The following KIAA1191 variants were observed in gnomAD, a reference collection of about 807,000 sequenced individuals.
The protein encoded by KIAA1191 is putative monooxygenase p33MONOX.
A neutral mutation model predicts 31.1 loss-of-function variants in KIAA1191; 22 were observed. The observed-to-expected ratio is 0.71, with a 90% CI of 0.51 to 1.01. KIAA1191 has a LOEUF of 1.01. KIAA1191 is among the 50% of genes least tolerant of loss of function. KIAA1191 has a pLI of 0.00. For missense variants in KIAA1191, 319 were observed against 388.0 expected, an observed-to-expected ratio of 0.82 and a Z score of 1.49; for synonymous variants, 130 against 143.9, an observed-to-expected ratio of 0.90 and a Z score of 0.69.
intron 6 of KIAA1191, among the ~76,000 whole-genome samples, chr5:176,350,072 T>C (rs1473820930): frequency 6.6e-6 from 1 of 152,218 alleles, no homozygotes; most frequent in African/African-American, 2.4e-5. Flanking sequence ...TTACAAAATA[T>C]GGAGAAGAGC....
In KIAA1191 at chr5:176,359,478, T is replaced by A; in HGVS notation, c.28+3A>T. On this transcript the variant is annotated splice_donor_region_variant and intron_variant, in intron 3 of 8. Transcript: ENST00000298569. Reference sequence around the variant, plus strand: ...TGATTTTACCAAAAAGAATTAAGTTTACCAGGCACTTCTGGTTGTCTTGAA... The same window carrying A: ...TGATTTTACCAAAAAGAATTAAGTTAACCAGGCACTTCTGGTTGTCTTGAA... 6.2e-7 allele frequency: 1 copy of A among 1,613,716 alleles called. No homozygotes were observed. The highest frequency in any genetic ancestry group is 8.5e-7 in the Non-Finnish European group (1 of 1,179,720).
rs751606711 is a variant in KIAA1191 at position 176,347,653 on chromosome 5, C to T, written c.865G>A (p.Ala289Thr). The T allele has an allele frequency of 1.2e-5, 19 of 1,562,786 alleles. 1 individual carries two copies. The Admixed American group carries it at 2.9e-4, about 24-fold the overall frequency. Residue 289 changes from alanine to threonine, a missense_variant, in exon 9 of 9, where the codon GCC becomes ACC. Coordinates refer to ENST00000298569, the MANE Select transcript of KIAA1191 (RefSeq NM_020444.5). ...AGGTCACGGGGTTTGAGGTTATGGG[C>T]CCGTGGTGGCTGTTTCTTTCCTTCC... ...VMEGKKQPPR[A>T]HNLKPRDLNV...
intron 1 of KIAA1191, among the ~76,000 whole-genome samples, chr5:176,360,980 C>T (rs1032603666): frequency 6.6e-6 from 1 of 151,760 alleles, no homozygotes; most frequent in African/African-American, 2.4e-5. Flanking sequence ...GAAAGTTACT[C>T]TTGTTTTTCA....
chr5:176,347,612 G>A lies in KIAA1191; in HGVS notation c.906C>T (p.Pro302=), dbSNP rs778515194. The change falls in exon 9 of 9, where the codon CCC becomes CCT. Residue 302 remains proline, a synonymous_variant. Transcript: ENST00000298569. ...TGGAAAGAGGGCTCTAGAAGCCAGT[G>A]GGTGTGAGCACATTCAGGTCACGGG... The part of the protein sequence containing the change: ...LKPRDLNVLT[P]TGF 6.6e-7 allele frequency: 1 copy of A among 1,505,078 alleles called. No individual in the cohort carries two copies. Among genetic ancestry groups the A allele is most frequent in the Non-Finnish European group, 8.9e-7 (1 of 1,127,414 alleles). The allele number at this position is 1,505,078 out of a possible 1,614,324, so 93.2% of individuals were successfully genotyped here.
intron 1 of KIAA1191, among the ~76,000 whole-genome samples, 166 bp from the exon 2 acceptor site, chr5:176,360,084 A>G (rs1462125445): frequency 1.3e-5 from 2 of 152,064 alleles, no homozygotes; most frequent in African/African-American, 4.8e-5. Flanking sequence ...TAAACTATTT[A>G]CAGCGTTTAT....
At position 176,355,260 on chromosome 5, in the gene KIAA1191, A is replaced by T. The variant is rs1218721909; in HGVS notation, c.207+311T>A. ...AAGAAAAAAAAAAGGAGGGAGATTT[A>T]AAAAACCATCTATTGGGTACACTGT... On this transcript the variant is annotated intron_variant, in intron 4 of 8. Transcript: ENST00000298569. This position sits in a 1 kb window ranked among gnomAD's most constrained non-coding sequence, Gnocchi z 4.2. 1.3e-5 allele frequency among the ~76,000 whole-genome samples: 2 copies of T among 152,138 alleles called. No homozygotes were observed. Among genetic ancestry groups the T allele is most frequent in the African/African-American group, 4.8e-5 (2 of 41,426 alleles).
In KIAA1191 at chr5:176,352,661, C is replaced by T. The variant is rs992880045; in HGVS notation, c.295G>A (p.Ala99Thr). 10 of 1,613,984 alleles carry T rather than the reference C, an allele frequency of 6.2e-6. No homozygotes were observed. In the East Asian group the frequency reaches 2.2e-4, roughly 36 times the overall value. The change falls in exon 5 of 9, where the codon GCT (alanine) becomes ACT (threonine). Residue 99 changes from alanine (A) to threonine (T), a missense_variant. Coordinates refer to ENST00000298569, the MANE Select transcript of KIAA1191 (RefSeq NM_020444.5). The part of the protein sequence containing the change: ...DSVDKVPVVK[A>T]KATHVIMNSL... ...TTCATGATGACATGGGTAGCTTTAG[C>T]CTTCACCACTGGGACCTTGTCCACA...
intron 3 of KIAA1191, among the ~76,000 whole-genome samples, chr5:176,359,125 C>T (rs1328878948): frequency 1.4e-5 from 2 of 143,722 alleles, no homozygotes; most frequent in Admixed American, 7.2e-5. Context: ...TCCAGACCAG[C>T]CTGGCCAATA....
At position 176,355,157 on chromosome 5, in the gene KIAA1191, T is replaced by A. The variant is rs1053773459; in HGVS notation, c.207+414A>T. ...CTTAGATCACATGGACTGTGGATCA[T>A]GCTGAGCTTGGATTTAGCTCTGTGG... On this transcript the variant is annotated intron_variant, in intron 4 of 8. Transcript: ENST00000298569. The surrounding 1 kb of genome is among the most constrained non-coding windows in gnomAD (Gnocchi z 4.2). Among the ~76,000 whole-genome samples the A allele has an allele frequency of 8.6e-5, 13 of 151,986 alleles. No individual in the cohort carries two copies. Among genetic ancestry groups the A allele is most frequent in the Non-Finnish European group, 2.9e-5 (2 of 68,012 alleles).
Position 176,355,983 on chromosome 5 carries a change from T to C in KIAA1191, c.29-234A>G. The C allele has an allele frequency of 2.0e-6, 1 of 489,758 alleles. No homozygotes were observed. Among genetic ancestry groups the C allele is most frequent in the South Asian group, 2.3e-5 (1 of 43,478 alleles). 30.3% of individuals were successfully genotyped at this position (489,758 alleles called of 1,614,324 possible). On this transcript the variant is annotated intron_variant, in intron 3 of 8. Transcript: ENST00000298569. This position sits in a 1 kb window ranked among gnomAD's most constrained non-coding sequence, Gnocchi z 4.2. Reference sequence around the variant, plus strand: ...CTCAGCCGTCCTAATCCTTTTTTTTTATTATTTGTTTAGAGACACAGTCTA... The same window carrying C: ...CTCAGCCGTCCTAATCCTTTTTTTTCATTATTTGTTTAGAGACACAGTCTA...
intron 1 of KIAA1191, among the ~76,000 whole-genome samples, chr5:176,360,166 T>TTG (rs1008449398): frequency 6.7e-6 from 1 of 150,044 alleles, no homozygotes; most frequent in Non-Finnish European, 1.5e-5. Flanking sequence ...TTTTTTTTTT[T>TTG]TTTTTTTTGA....
chr5:176,347,840 C>CA, intron 8 of KIAA1191, 32 bp from the exon 9 acceptor site: 1 of 1,603,632 alleles, frequency 6.2e-7, no homozygotes, highest in Non-Finnish European at 8.5e-7. Flanking sequence ...CAAATGATTT[C>CA]AAAACCAGTA....
At position 176,359,846 on chromosome 5, in the gene KIAA1191, A is replaced by G. The variant is rs1280624877; in HGVS notation, c.-95T>C. The G allele has an allele frequency of 4.4e-6, 1 of 227,284 alleles. No individual in the cohort carries two copies. The highest frequency in any genetic ancestry group is 2.2e-5 in the African/African-American group (1 of 45,320). The allele number at this position is 227,284 out of a possible 1,614,324, so 14.1% of individuals were successfully genotyped here. A position where few individuals can be genotyped will look rare whatever the true frequency, so the allele number is the denominator to read the frequency against. On this transcript the variant is annotated 5_prime_UTR_variant, in exon 2 of 9. Transcript: ENST00000298569. ...TGATGTGATGACTAAGCGGACAGAC[A>G]GATGTTAATGAGGAACATGGTCCAG... is the stretch of plus-strand genomic sequence containing the variant.
At chr5:176,354,997 G>T (rs1767377529) in intron 4 of KIAA1191, among the ~76,000 whole-genome samples, 1 of 152,166 alleles carries the variant, frequency 6.6e-6, no homozygotes, top group South Asian at 2.1e-4. Context: ...GGATGTGGAT[G>T]GCAAACATCC....
Position 176,352,612 on chromosome 5 carries a change from G to T in KIAA1191, c.334+10C>A. ...TATGGCACTCTACTCTGAGGGTGAA[G>T]AGTGCTTACTTGTGATCAGAGAATT... On this transcript the variant is annotated intron_variant, in intron 5 of 8. Coordinates refer to ENST00000298569, the MANE Select transcript of KIAA1191 (RefSeq NM_020444.5). The T allele has an allele frequency of 6.2e-7, 1 of 1,612,884 alleles. No homozygotes were observed. The highest frequency in any genetic ancestry group is 1.1e-5 in the South Asian group (1 of 90,982).
intron 6 of KIAA1191, chr5:176,349,130 T>C (rs1766774654): frequency 6.6e-6 from 1 of 152,256 alleles, no homozygotes; most frequent in Non-Finnish European, 1.5e-5. Flanking sequence ...ATCCTCATGT[T>C]CTACTCCTAT....
At position 176,347,704 on chromosome 5, in the gene KIAA1191, G is replaced by C. The variant is rs1342095755; in HGVS notation, c.814C>G (p.Pro272Ala). 6.2e-7 allele frequency: 1 copy of C among 1,605,998 alleles called. No homozygotes were observed. Among genetic ancestry groups the C allele is most frequent in the Non-Finnish European group, 8.5e-7 (1 of 1,176,748 alleles). The change falls in exon 9 of 9, where the codon CCC becomes GCC. Residue 272 changes from proline to alanine, a missense_variant. Pro to Ala is a conservative substitution (Grantham distance 27). Transcript: ENST00000298569. ...ATCACTGGGATGTCCATCTTGGGGG[G>C]CTTCAAGGCTGCTGGATCTTCAGCC... ...RMAEDPAALKPPKMDIPVMEG... is the reference protein window; with the variant it reads ...RMAEDPAALKAPKMDIPVMEG...
chr5:176,352,162 A>C (rs545529889), intron 5 of KIAA1191, among the ~76,000 whole-genome samples: 3 of 149,858 alleles, frequency 2.0e-5, no homozygotes, highest in African/African-American at 7.4e-5. Flanking sequence ...TTTAAAAAAA[A>C]AAAAACAAAA....
chr5:176,355,531 G>A lies in KIAA1191; in HGVS notation c.207+40C>T, dbSNP rs139052589. On this transcript the variant is annotated intron_variant, in intron 4 of 8. Coordinates refer to ENST00000298569, the MANE Select transcript of KIAA1191 (RefSeq NM_020444.5). The surrounding 1 kb of genome is among the most constrained non-coding windows in gnomAD (Gnocchi z 4.2). ...GCTTCTGGAGCAGAGGAAGGACAAA[G>A]GGGTTGCGTATGCCAGAAATGGCCA... 6.3e-7 allele frequency: 1 copy of A among 1,585,756 alleles called. No individual in the cohort carries two copies. The highest frequency in any genetic ancestry group is 1.3e-5 in the African/African-American group (1 of 74,442).
Sources: allele counts gnomAD v4.1 joint callset (sites outside exome capture counted in the v4.1 genomes callset), GRCh38; gene constraint gnomAD v4.1.1; non-coding constraint Gnocchi (gnomAD v3.1); transcripts MANE v1.5; gene names NCBI Gene and HGNC (gene_info 2026-07-23, HGNC 2026-07-21).